The following GABRB1 variants were observed in gnomAD, a reference collection of about 807,000 sequenced individuals.
The protein encoded by GABRB1 is gamma-aminobutyric acid type A receptor subunit beta1.
In GABRB1, 17 loss-of-function variants were observed where a neutral mutation model predicts 51.6. The observed-to-expected ratio is 0.33, with a 90% CI of 0.23 to 0.49. The LOEUF (loss-of-function observed/expected upper bound fraction) is 0.49, where lower values mean the gene tolerates loss of function less well. GABRB1 is among the 20% of genes least tolerant of loss of function. The pLI is 0.99. For synonymous variants in GABRB1, 247 were observed against 218.9 expected, an observed-to-expected ratio of 1.13 and a Z score of -1.14; for missense variants, 410 against 600.6, an observed-to-expected ratio of 0.68 and a Z score of 3.32.
chr4:47,374,058 C>T (rs1006227762), intron 5 of GABRB1, among the ~76,000 whole-genome samples: 3 of 152,142 alleles, frequency 2.0e-5, no homozygotes, highest in African/African-American at 7.2e-5. Context: ...CACCATACAC[C>T]ATGCAAAGCC....
intron 8 of GABRB1, 64 bp from the exon 9 acceptor site, chr4:47,425,610 C>T: frequency 5.6e-6 from 7 of 1,241,330 alleles, no homozygotes; most frequent in Non-Finnish European, 5.7e-6. Context: ...TCATTAGTAA[C>T]AGGTTAATGA....
intron 3 of GABRB1, among the ~76,000 whole-genome samples, chr4:47,098,278 T>C (rs1322156500): frequency 6.6e-6 from 1 of 152,100 alleles, no homozygotes; most frequent in Non-Finnish European, 1.5e-5. Flanking sequence ...TGGAGTTAGG[T>C]CTTCCTTCCC....
intron 4 of GABRB1, among the ~76,000 whole-genome samples, chr4:47,311,528 T>C: frequency 6.6e-6 from 1 of 150,816 alleles, no homozygotes; most frequent in East Asian, 1.9e-4. Context: ...GCTTTGAAGA[T>C]GGAGGAAGGG....
At chr4:47,182,857 C>A (rs73142219) in intron 4 of GABRB1, among the ~76,000 whole-genome samples, 1 of 151,858 alleles carries the variant, frequency 6.6e-6, no homozygotes, top group East Asian at 1.9e-4. Flanking sequence ...CTTTTACAAG[C>A]TAAACCTCAA....
intron 3 of GABRB1, among the ~76,000 whole-genome samples, chr4:47,103,520 T>C (rs1714812645): frequency 6.6e-6 from 1 of 152,024 alleles, no homozygotes; most frequent in African/African-American, 2.4e-5. Flanking sequence ...TCTATTTAAC[T>C]ATATCAAGGT....
chr4:47,149,631 C>A (rs1692503609), intron 3 of GABRB1, among the ~76,000 whole-genome samples: 1 of 151,986 alleles, frequency 6.6e-6, no homozygotes, highest in African/African-American at 2.4e-5. Context: ...ATGGAGGTTT[C>A]TTTCCTAGTT....
At chr4:47,038,102 C>A (rs1725675387) in intron 3 of GABRB1, among the ~76,000 whole-genome samples, 1 of 152,018 alleles carries the variant, frequency 6.6e-6, no homozygotes, top group African/African-American at 2.4e-5. Context: ...TTTTAGACTC[C>A]CTCAAAATAA....
chr4:47,359,564 A>G (rs1375004761), intron 5 of GABRB1, among the ~76,000 whole-genome samples: 1 of 152,116 alleles, frequency 6.6e-6, no homozygotes, highest in Non-Finnish European at 1.5e-5. Context: ...CTCTGAAAGC[A>G]TTCTGTAAAA....
intron 5 of GABRB1, among the ~76,000 whole-genome samples, chr4:47,356,074 G>A (rs1726559274): frequency 6.6e-6 from 1 of 152,138 alleles, no homozygotes; most frequent in South Asian, 2.1e-4. Context: ...CACCTAGTAG[G>A]CATTCAATAG....
intron 1 of GABRB1, among the ~76,000 whole-genome samples, chr4:47,010,759 A>G (rs976931833): frequency 6.6e-6 from 1 of 152,214 alleles, no homozygotes; most frequent in Non-Finnish European, 1.5e-5. Flanking sequence ...CTTTTGGAAC[A>G]TTGCTTCTCC....
chr4:47,303,876 A>G (rs1207062908), intron 4 of GABRB1, among the ~76,000 whole-genome samples: 6 of 151,932 alleles, frequency 3.9e-5, no homozygotes, highest in African/African-American at 1.4e-4. Flanking sequence ...TATGACTTTA[A>G]CTTGTTAGAT....
At chr4:47,358,686 C>T (rs1726680210) in intron 5 of GABRB1, among the ~76,000 whole-genome samples, 1 of 152,108 alleles carries the variant, frequency 6.6e-6, no homozygotes, top group Non-Finnish European at 1.5e-5. Flanking sequence ...TGCAAAGACC[C>T]TATCTCCAAA....
chr4:47,222,050 G>T, intron 4 of GABRB1, among the ~76,000 whole-genome samples: 1 of 152,062 alleles, frequency 6.6e-6, no homozygotes, highest in South Asian at 2.1e-4. Flanking sequence ...ATGCAAAAAT[G>T]TGAAAAACAT....
chr4:47,282,247 C>T (rs755181744), intron 4 of GABRB1, among the ~76,000 whole-genome samples: 1 of 152,130 alleles, frequency 6.6e-6, no homozygotes. Context: ...TTTTGTGGCT[C>T]TTAGAGCCTT....
At chr4:47,418,634 C>T (rs561091786) in intron 8 of GABRB1, among the ~76,000 whole-genome samples, 2 of 152,186 alleles carry the variant, frequency 1.3e-5, no homozygotes, top group Admixed American at 6.5e-5. Context: ...GTATTTATCC[C>T]CATTCATTCA....
Position 47,001,268 on chromosome 4 carries a change from G to A in GABRB1, c.-20+7342G>A, listed in dbSNP as rs553968998. Among the ~76,000 whole-genome samples the A allele has an allele frequency of 2.5e-4, 38 of 151,988 alleles. 1 individual carries two copies. The highest frequency in any genetic ancestry group is 5.8e-4 in the East Asian group (3 of 5,140). On this transcript the variant is annotated intron_variant, in intron 1 of 3. Transcript: ENST00000513567. The stretch of plus-strand genomic sequence containing the variant: ...CGCCATTCTCCTGCCTCAGCCTCCC[G>A]AGTAGCTGGGACTACAGGCGCCCCC...
rs189307504 is a variant in GABRB1 at position 47,223,471 on chromosome 4, C to A, written c.461+62002C>A. Among the ~76,000 whole-genome samples, 29 of 152,142 alleles carry A rather than the reference C, an allele frequency of 1.9e-4. No homozygotes were observed. In the East Asian group the frequency reaches 2.1e-3, roughly 11 times the overall value. On this transcript the variant is annotated intron_variant, in intron 4 of 8. Coordinates refer to ENST00000295454, the MANE Select transcript of GABRB1 (RefSeq NM_000812.4). ...GAACTGACATTTTAAGGTCTTAATG[C>A]AATATTTAGTAAATTTTTCTTTATT...
chr4:47,414,124 C>T (rs1728842221), intron 8 of GABRB1, among the ~76,000 whole-genome samples: 1 of 152,146 alleles, frequency 6.6e-6, no homozygotes, highest in African/African-American at 2.4e-5. Flanking sequence ...TCAGTCATTC[C>T]GTGTCACAGG....
At chr4:47,311,369 GCCACTGCACT>G (rs139324487) in intron 4 of GABRB1, among the ~76,000 whole-genome samples, 9,020 of 142,378 alleles carry the variant, frequency 0.063, 461 homozygotes, top group East Asian at 0.29. Context: ...CTGAGATCGT[GCCACTGCACT>G]CCAGCCTGGA....
Sources: allele counts gnomAD v4.1 joint callset (sites outside exome capture counted in the v4.1 genomes callset), GRCh38; gene constraint gnomAD v4.1.1; transcripts MANE v1.5; gene names NCBI Gene and HGNC (gene_info 2026-07-23, HGNC 2026-07-21).